Variants in CHN1 observed in about 807,000 individuals in gnomAD.
CHN1 encodes chimerin 1.
CHN1 carries 37 observed loss-of-function variants against 59.5 expected under a neutral mutation model. The observed-to-expected ratio is 0.62, with a 90% CI of 0.48 to 0.82. The LOEUF (loss-of-function observed/expected upper bound fraction) is 0.82, where lower values mean the gene tolerates loss of function less well. Ranked by LOEUF, CHN1 falls within the 40% of genes least tolerant of loss-of-function variation. CHN1 has a pLI of 0.00. For missense variants in CHN1, 469 were observed against 571.0 expected (o/e 0.82, Z 1.82); for synonymous variants, 206 against 200.4 (o/e 1.03, Z -0.24).
rs750772600 is a variant in CHN1, at chr2:174,878,087, C to T, written c.302G>A (p.Gly101Asp). Reference protein sequence around the residue: ...QTRNFRLYYDGKHFVGEKRFE... With the variant: ...QTRNFRLYYDDKHFVGEKRFE... Reference sequence around the variant, plus strand: ...GCGTTTCTCCCCAACAAAGTGCTTGCCATCGTAGTAGAGCCTGAAGTTTCT... The same window carrying T: ...GCGTTTCTCCCCAACAAAGTGCTTGTCATCGTAGTAGAGCCTGAAGTTTCT... The change falls in exon 6 of 13, where the codon GGC becomes GAC. Residue 101 changes from glycine to aspartate, a missense_variant. Gly to Asp is a moderately conservative substitution (Grantham distance 94). Transcript: ENST00000409900. The T allele has an allele frequency of 8.1e-6, 13 of 1,607,524 alleles. No individual in the cohort carries two copies. In the South Asian group the frequency reaches 1.4e-4, roughly 18 times the overall value.
chr2:174,997,814 G>A (rs978721994), intron 1 of CHN1, among the ~76,000 whole-genome samples: 2 of 151,672 alleles, frequency 1.3e-5, no homozygotes, highest in African/African-American at 2.4e-5. Context: ...GGAGGATCAC[G>A]AGGTCAGGAG....
At chr2:175,004,186 C>T (rs1691985835) in intron 1 of CHN1, among the ~76,000 whole-genome samples, 1 of 152,152 alleles carries the variant, frequency 6.6e-6, no homozygotes, top group South Asian at 2.1e-4. Context: ...TTTTTCCCAA[C>T]CCATTGTCAT....
chr2:174,981,737 T>C (rs1691155074), intron 1 of CHN1, among the ~76,000 whole-genome samples: 1 of 152,228 alleles, frequency 6.6e-6, no homozygotes, highest in Admixed American at 6.5e-5. Context: ...TTCCTGATGA[T>C]ATGAAATACT....
chr2:174,912,115 C>A (rs533371618), intron 5 of CHN1, among the ~76,000 whole-genome samples: 1 of 151,724 alleles, frequency 6.6e-6, no homozygotes. Context: ...GTGAAAAATA[C>A]GGAAATATAA....
intron 6 of CHN1, among the ~76,000 whole-genome samples, chr2:174,872,239 G>A (rs926290702): frequency 1.3e-5 from 2 of 152,134 alleles, no homozygotes; most frequent in African/African-American, 4.8e-5. Flanking sequence ...AGCCATGTTT[G>A]CATCAATGCA....
At chr2:174,990,251 G>T (rs1691494358) in intron 1 of CHN1, among the ~76,000 whole-genome samples, 1 of 100,340 alleles carries the variant, frequency 1.0e-5, no homozygotes, top group Non-Finnish European at 2.3e-5. Flanking sequence ...GTGTGTGTGT[G>T]TGTGTGTGTG....
intron 8 of CHN1, among the ~76,000 whole-genome samples, chr2:174,815,232 G>A (rs1259381593): frequency 6.6e-6 from 1 of 152,036 alleles, no homozygotes; most frequent in Non-Finnish European, 1.5e-5. Flanking sequence ...TTAAAAATTG[G>A]TGGTTGTGGT....
chr2:174,859,521 C>T (rs891864482), intron 6 of CHN1, among the ~76,000 whole-genome samples: 4 of 152,126 alleles, frequency 2.6e-5, no homozygotes, highest in Non-Finnish European at 5.9e-5. Flanking sequence ...TCTGCCAACC[C>T]GGCTAAAAAG....
chr2:174,999,131 C>T (rs1376287482), intron 1 of CHN1, among the ~76,000 whole-genome samples: 1 of 150,778 alleles, frequency 6.6e-6, no homozygotes, highest in African/African-American at 2.4e-5. Context: ...TTAGTTTTGT[C>T]CTATCCTATT....
At chr2:174,847,155 A>C (rs778071898) in intron 6 of CHN1, 198 bp from the exon 7 acceptor site, 95 of 1,543,722 alleles carry the variant, frequency 6.2e-5, no homozygotes, top group Non-Finnish European at 8.0e-5. Context: ...AGGAAAGAAA[A>C]CCTATAGTGG....
intron 8 of CHN1, among the ~76,000 whole-genome samples, chr2:174,820,743 C>T (rs986974971): frequency 1.3e-5 from 2 of 152,204 alleles, no homozygotes; most frequent in Middle Eastern, 3.2e-3. Context: ...CCTGAAGGGA[C>T]GGCTTGCCTG....
chr2:174,980,562 T>C (rs1042304128), intron 1 of CHN1, among the ~76,000 whole-genome samples: 8 of 152,138 alleles, frequency 5.3e-5, no homozygotes, highest in African/African-American at 9.7e-5. Context: ...CAATTCCTAA[T>C]TGAAGAATTA....
intron 5 of CHN1, among the ~76,000 whole-genome samples, chr2:174,881,622 A>G (rs1687740247): frequency 1.3e-5 from 2 of 152,326 alleles, no homozygotes; most frequent in Non-Finnish European, 1.5e-5. Context: ...TACCAACACT[A>G]AAGTAAAACA....
chr2:174,926,949 G>A (rs767441628), intron 3 of CHN1, among the ~76,000 whole-genome samples: 12 of 151,848 alleles, frequency 7.9e-5, no homozygotes, highest in Non-Finnish European at 1.2e-4. Flanking sequence ...TAGTAGAGAC[G>A]GGGTTTCACC....
In CHN1 at chr2:175,005,277, G is replaced by T. The variant is rs1460113091; in HGVS notation, c.-365C>A. 1 of 1,169,234 alleles carries T rather than the reference G, an allele frequency of 8.6e-7. No individual in the cohort carries two copies. Among genetic ancestry groups the T allele is most frequent in the African/African-American group, 1.6e-5 (1 of 61,030 alleles). 72.4% of individuals were successfully genotyped at this position (1,169,234 alleles called of 1,614,324 possible). On this transcript the variant is annotated 5_prime_UTR_variant, in exon 1 of 13. Coordinates refer to ENST00000409900, the MANE Select transcript of CHN1 (RefSeq NM_001822.7). ...CGGCGCCGCACTGGCGGCGGCGGCG[G>T]CGGCGACGGGGAGAGCAGCAGCAGC...
At chr2:174,936,707 ACTTTATGGG>A (rs1689508163) in intron 3 of CHN1, among the ~76,000 whole-genome samples, 3 of 152,196 alleles carry the variant, frequency 2.0e-5, no homozygotes, top group Admixed American at 6.5e-5. Flanking sequence ...ATGTACCATT[ACTTTATGGG>A]TGATAAGGAA....
intron 1 of CHN1, among the ~76,000 whole-genome samples, chr2:174,978,731 A>G (rs1691037426): frequency 6.6e-6 from 1 of 152,234 alleles, no homozygotes; most frequent in Non-Finnish European, 1.5e-5. Context: ...TATATCTTTA[A>G]TAACTTTTGA....
At chr2:174,962,682 G>T (rs1026972831) in intron 1 of CHN1, among the ~76,000 whole-genome samples, 1,102 of 79,422 alleles carry the variant, frequency 0.014, 278 homozygotes, top group African/African-American at 0.049. Flanking sequence ...GGGGGGGGGG[G>T]GCAGATCACC....
At chr2:174,912,925 G>C (rs1332386764) in intron 5 of CHN1, among the ~76,000 whole-genome samples, 1 of 152,102 alleles carries the variant, frequency 6.6e-6, no homozygotes, top group Middle Eastern at 3.2e-3. Context: ...AGTTACCCCA[G>C]AGATATTAAT....
Sources: gnomAD v4.1 joint callset for allele counts (sites outside exome capture counted in the v4.1 genomes callset) on GRCh38, gnomAD v4.1.1 for gene constraint, MANE v1.5 for transcripts, NCBI Gene and HGNC (gene_info 2026-07-23, HGNC 2026-07-21) for gene names.